GALNT13: variants seen among roughly 807,000 people sequenced by gnomAD.
The protein encoded by GALNT13 is polypeptide N-acetylgalactosaminyltransferase 13.
Under a neutral mutation model 64.2 loss-of-function variants are expected in GALNT13, and 28 were observed. The ratio of observed to expected loss-of-function variants is 0.44; its 90% CI spans 0.32 to 0.60. The LOEUF (loss-of-function observed/expected upper bound fraction) is 0.60. GALNT13 is among the 20% of genes least tolerant of loss of function. The pLI is 0.05. For synonymous variants in GALNT13, 214 were observed against 224.6 expected, an observed-to-expected ratio of 0.95 and a Z score of 0.42; for missense variants, 577 against 669.8, an observed-to-expected ratio of 0.86 and a Z score of 1.53.
chr2:153,492,179 A>G, the GALNT13 span, among the ~76,000 whole-genome samples: 3 of 152,202 alleles, frequency 2.0e-5, no homozygotes, highest in Non-Finnish European at 2.9e-5. Context: ...TCAAACACAT[A>G]GGGAAATTAG....
the GALNT13 span, among the ~76,000 whole-genome samples, chr2:153,564,877 A>G: frequency 6.6e-6 from 1 of 152,180 alleles, no homozygotes; most frequent in Non-Finnish European, 1.5e-5. Flanking sequence ...GAATAGAGTC[A>G]GAGATTCTTC....
intron 1 of GALNT13, among the ~76,000 whole-genome samples, chr2:153,879,184 C>A (rs1274289344): frequency 6.6e-6 from 1 of 152,114 alleles, no homozygotes; most frequent in East Asian, 1.9e-4. Flanking sequence ...AAGTGCTTTG[C>A]AGATATTGAT....
chr2:154,298,775 T>TA (rs1559076233), intron 8 of GALNT13, among the ~76,000 whole-genome samples: 1 of 121,152 alleles, frequency 8.3e-6, no homozygotes, highest in African/African-American at 3.2e-5. Flanking sequence ...AAATTATATA[T>TA]TTATTTATAT....
chr2:153,865,405 T>C, the GALNT13 span, among the ~76,000 whole-genome samples: 2 of 143,726 alleles, frequency 1.4e-5, no homozygotes, highest in Admixed American at 7.2e-5. Context: ...TTTCGCAGCC[T>C]ACTCATCTGA....
At chr2:154,016,365 C>T (rs539896935) in intron 3 of GALNT13, among the ~76,000 whole-genome samples, 1 of 152,204 alleles carries the variant, frequency 6.6e-6, no homozygotes, top group East Asian at 1.9e-4. Flanking sequence ...TGGTTGTCTC[C>T]TGAGTAGCCT....
chr2:154,367,264 A>G lies in GALNT13; in HGVS notation c.1157-28727A>G, dbSNP rs144681728. ...GGAGTTCAAGATGTTAAGATCCCTT[A>G]TCTATGTGGAAAAATGGATGATAAC... On this transcript the variant is annotated intron_variant, in intron 9 of 12. Coordinates refer to ENST00000392825, the MANE Select transcript of GALNT13 (RefSeq NM_052917.4). Among the ~76,000 whole-genome samples the G allele has an allele frequency of 1.7e-3, 252 of 152,308 alleles. 1 individual carries two copies. Among genetic ancestry groups the G allele is most frequent in the Middle Eastern group, 3.4e-3 (1 of 294 alleles).
At chr2:153,753,968 G>A in the GALNT13 span, among the ~76,000 whole-genome samples, 1 of 152,342 alleles carries the variant, frequency 6.6e-6, no homozygotes, top group South Asian at 2.1e-4. Context: ...TCTAATAACA[G>A]AGGAGCCTCG....
the GALNT13 span, among the ~76,000 whole-genome samples, chr2:153,763,401 G>A: frequency 6.6e-6 from 1 of 152,060 alleles, no homozygotes; most frequent in African/African-American, 2.4e-5. Flanking sequence ...TCAAGAGCAG[G>A]GCCAGGTGGA....
chr2:153,764,801 CTGCTGTG>C, the GALNT13 span, among the ~76,000 whole-genome samples: 1 of 152,234 alleles, frequency 6.6e-6, no homozygotes, highest in Non-Finnish European at 1.5e-5. Flanking sequence ...CCAGGGCCCC[CTGCTGTG>C]TGCAGCCCAG....
chr2:153,437,678 G>C, the GALNT13 span, among the ~76,000 whole-genome samples: 5 of 151,958 alleles, frequency 3.3e-5, no homozygotes, highest in African/African-American at 1.2e-4. Flanking sequence ...CCATTTGCTT[G>C]GTAGATCTTC....
intron 7 of GALNT13, among the ~76,000 whole-genome samples, chr2:154,256,950 T>C (rs916458803): frequency 1.3e-5 from 2 of 152,178 alleles, no homozygotes; most frequent in Non-Finnish European, 2.9e-5. Context: ...AAATATTTTA[T>C]TAGGCATATT....
At chr2:153,096,753 C>T in the GALNT13 span, among the ~76,000 whole-genome samples, 1 of 152,088 alleles carries the variant, frequency 6.6e-6, no homozygotes, top group South Asian at 2.1e-4. Context: ...CTGTGTATGT[C>T]TTTATAGGTG....
At chr2:154,194,406 A>G (rs777370741) in intron 4 of GALNT13, among the ~76,000 whole-genome samples, 2 of 152,186 alleles carry the variant, frequency 1.3e-5, no homozygotes, top group African/African-American at 2.4e-5. Context: ...AGAGTTGGGA[A>G]GAAGAGCCCA....
At chr2:154,403,594 G>A (rs1319342463) in intron 10 of GALNT13, among the ~76,000 whole-genome samples, 2 of 152,160 alleles carry the variant, frequency 1.3e-5, no homozygotes, top group Admixed American at 1.3e-4. Context: ...TTATCTCTCA[G>A]GTCACCCTGG....
the GALNT13 span, among the ~76,000 whole-genome samples, chr2:153,373,132 T>TTGTGTGTGTGTGTG: frequency 9.0e-4 from 134 of 148,846 alleles, 1 homozygote; most frequent in Admixed American, 2.4e-3. Context: ...TTCTGTTGCT[T>TTGTGTGTGTGTGTG]TGTGTGTGTG....
chr2:154,337,616 A>G (rs1274563516), intron 9 of GALNT13, among the ~76,000 whole-genome samples: 1 of 152,084 alleles, frequency 6.6e-6, no homozygotes, highest in African/African-American at 2.4e-5. Context: ...TTAAATGTAC[A>G]TTTTGTTATA....
chr2:153,106,929 A>G, the GALNT13 span, among the ~76,000 whole-genome samples: 2 of 152,164 alleles, frequency 1.3e-5, no homozygotes, highest in African/African-American at 4.8e-5. Flanking sequence ...AATCTGATTG[A>G]ATACTTAGAG....
At chr2:154,147,494 C>T (rs1683685474) in intron 4 of GALNT13, among the ~76,000 whole-genome samples, 1 of 151,258 alleles carries the variant, frequency 6.6e-6, no homozygotes, top group African/African-American at 2.4e-5. Flanking sequence ...TGGAACCAAG[C>T]TTTGTAAGAT....
chr2:153,144,895 T>TTTTCTA, the GALNT13 span, among the ~76,000 whole-genome samples: 1 of 151,938 alleles, frequency 6.6e-6, no homozygotes, highest in African/African-American at 2.4e-5. Context: ...TTAGAAATTA[T>TTTTCTA]ATGCATGATT....
Sources: allele counts gnomAD v4.1 joint callset (sites outside exome capture counted in the v4.1 genomes callset), GRCh38; gene constraint gnomAD v4.1.1; transcripts MANE v1.5; gene names NCBI Gene and HGNC (gene_info 2026-07-23, HGNC 2026-07-21).